Variants in RRM2 observed in about 807,000 individuals in gnomAD.
The protein encoded by RRM2 is ribonucleoside-diphosphate reductase subunit M2.
In RRM2, 6 loss-of-function variants were observed where a neutral mutation model predicts 45.9. The ratio of observed to expected loss-of-function variants is 0.13; its 90% CI spans 0.07 to 0.26. RRM2 has a LOEUF of 0.26. Ranked by LOEUF, RRM2 falls within the 10% of genes least tolerant of loss-of-function variation. The pLI, the probability that RRM2 is intolerant of heterozygous loss-of-function variation, is 1.00. For synonymous variants in RRM2, 177 were observed against 173.0 expected (o/e 1.02, Z -0.18); for missense variants, 343 against 489.5 (o/e 0.70, Z 2.82).
chr2:10,162,388 G>GC (rs1663580860), intron 3 of RRM2, among the ~76,000 whole-genome samples: 1 of 152,122 alleles, frequency 6.6e-6, no homozygotes, highest in Non-Finnish European at 1.5e-5. Flanking sequence ...ATGAGCGCTG[G>GC]CCCAGGAATC....
chr2:10,138,387 G>A (rs1194783526), upstream of RRM2, among the ~76,000 whole-genome samples: 3 of 152,042 alleles, frequency 2.0e-5, no homozygotes, highest in Non-Finnish European at 4.4e-5. Flanking sequence ...GGCTGGTCTC[G>A]AACTCCTGAC....
At chr2:10,147,233 G>A (rs943860770) in intron 3 of RRM2, among the ~76,000 whole-genome samples, 1 of 152,146 alleles carries the variant, frequency 6.6e-6, no homozygotes, top group Non-Finnish European at 1.5e-5. Flanking sequence ...TTACACGTGT[G>A]AGCCACTGGG....
chr2:10,201,835 A>G (rs1329305239), intron 3 of RRM2, among the ~76,000 whole-genome samples: 1 of 152,240 alleles, frequency 6.6e-6, no homozygotes, highest in African/African-American at 2.4e-5. Context: ...ATATAGCCCA[A>G]AGAAAGCCAA....
chr2:10,126,185 AAAAAAAAG>A (rs1662775921), intron 5 of RRM2, among the ~76,000 whole-genome samples: 1 of 39,974 alleles, frequency 2.5e-5, no homozygotes, highest in Non-Finnish European at 6.0e-5. Context: ...AAAAAAAAAA[AAAAAAAAG>A]CTGCCCAATG....
At position 10,205,601 on chromosome 2, in the gene RRM2, A is replaced by G. The variant is rs192300686; in HGVS notation, n.483-4710A>G. On this transcript the variant is annotated intron_variant and non_coding_transcript_variant, in intron 3 of 3. Transcript: ENST00000381786. This position sits in a 1 kb window ranked among gnomAD's most constrained non-coding sequence, Gnocchi z 4.8. ...ATACCTTCCGTTTCAAGGAATATGC[A>G]GTTTGGATGTCTGAAAAAGATTTAT... Among the ~76,000 whole-genome samples the G allele has an allele frequency of 7.2e-4, 110 of 152,330 alleles. 1 individual carries two copies. The highest frequency in any genetic ancestry group is 1.1e-3 in the Non-Finnish European group (78 of 68,026).
At chr2:10,210,194 A>G (rs1664732732) in intron 3 of RRM2, 1 of 535,340 alleles carries the variant, frequency 1.9e-6, no homozygotes, top group Admixed American at 2.9e-5. Flanking sequence ...TGTGGGCAGG[A>G]ACCAGCCCTT....
Position 10,195,827 on chromosome 2 carries a change from T to G in RRM2, n.483-14484T>G, listed in dbSNP as rs1664404011. On this transcript the variant is annotated intron_variant and non_coding_transcript_variant, in intron 3 of 3. Transcript: ENST00000381786. The surrounding 1 kb of genome is among the most constrained non-coding windows in gnomAD (Gnocchi z 4.9). ...TGACCTGGCCTGGCCGATGCTGTGTTAGGATAAACGTGCTAAGGAGGCTCT... is the reference window on the plus strand; with the variant it reads ...TGACCTGGCCTGGCCGATGCTGTGTGAGGATAAACGTGCTAAGGAGGCTCT... Among the ~76,000 whole-genome samples, 1 of 152,168 alleles carries G rather than the reference T, an allele frequency of 6.6e-6. No homozygotes were observed. The highest frequency in any genetic ancestry group is 2.1e-4 in the South Asian group (1 of 4,832).
intron 3 of RRM2, among the ~76,000 whole-genome samples, chr2:10,148,549 C>G (rs1240711434): frequency 1.3e-5 from 2 of 152,226 alleles, no homozygotes; most frequent in African/African-American, 4.8e-5. Flanking sequence ...AGTTAAATGC[C>G]ACTGTGGGAA....
intron 3 of RRM2, among the ~76,000 whole-genome samples, chr2:10,188,891 TC>T (rs1323093848): frequency 6.6e-6 from 1 of 152,116 alleles, no homozygotes; most frequent in Non-Finnish European, 1.5e-5. Flanking sequence ...AGTCATGAGT[TC>T]CCAGTCCTGG....
chr2:10,197,041 A>G (rs937545299), intron 3 of RRM2, among the ~76,000 whole-genome samples: 4 of 152,134 alleles, frequency 2.6e-5, no homozygotes, highest in African/African-American at 9.7e-5. Context: ...CACTCAGACA[A>G]GGCCCTACTC....
intron 5 of RRM2, 100 bp downstream of exon 5, chr2:10,124,950 A>T: frequency 8.7e-7 from 1 of 1,145,074 alleles, no homozygotes; most frequent in Non-Finnish European, 1.2e-6. Flanking sequence ...CTCCAGAATG[A>T]CTAAGACAGT....
Position 10,204,248 on chromosome 2 carries a change from G to T in RRM2, n.483-6063G>T, listed in dbSNP as rs898111501. 2.3e-4 allele frequency among the ~76,000 whole-genome samples: 35 copies of T among 152,132 alleles called. No homozygotes were observed. Among genetic ancestry groups the T allele is most frequent in the African/African-American group, 7.7e-4 (32 of 41,424 alleles). On this transcript the variant is annotated intron_variant and non_coding_transcript_variant, in intron 3 of 3. Transcript: ENST00000381786. The surrounding 1 kb of genome is among the most constrained non-coding windows in gnomAD (Gnocchi z 4.0). ...CTCCAGGGCAGACTGACCCGTGATGGGCATGGGAGCCCAGAAAAAGGCCCC... is the reference window on the plus strand; with the variant it reads ...CTCCAGGGCAGACTGACCCGTGATGTGCATGGGAGCCCAGAAAAAGGCCCC...
chr2:10,207,698 C>A (rs1490728003), intron 3 of RRM2, among the ~76,000 whole-genome samples: 1 of 152,156 alleles, frequency 6.6e-6, no homozygotes, highest in Non-Finnish European at 1.5e-5. Flanking sequence ...GGCACTTCCT[C>A]CAGGAAGCCT....
At chr2:10,208,435 G>A (rs961578272) in intron 3 of RRM2, among the ~76,000 whole-genome samples, 8 of 152,174 alleles carry the variant, frequency 5.3e-5, no homozygotes, top group Admixed American at 4.6e-4. Context: ...AATCATTAAG[G>A]CATCAAACAT....
chr2:10,181,747 T>TCC, intron 3 of RRM2, among the ~76,000 whole-genome samples: 1 of 106,668 alleles, frequency 9.4e-6, no homozygotes, highest in Non-Finnish European at 2.1e-5. Flanking sequence ...GCTCTCTCTC[T>TCC]CTCTCTCTTT....
intron 3 of RRM2, among the ~76,000 whole-genome samples, chr2:10,164,182 A>G (rs1162670680): frequency 6.6e-6 from 1 of 152,094 alleles, no homozygotes; most frequent in Admixed American, 6.6e-5. Flanking sequence ...TGTATTTCCC[A>G]AATTCTTTTT....
chr2:10,171,687 C>T lies in RRM2; in HGVS notation n.482+29312C>T, dbSNP rs1663810637. 6.6e-6 allele frequency among the ~76,000 whole-genome samples: 1 copy of T among 152,220 alleles called. No homozygotes were observed. Among genetic ancestry groups the T allele is most frequent in the African/African-American group, 2.4e-5 (1 of 41,458 alleles). On this transcript the variant is annotated intron_variant and non_coding_transcript_variant, in intron 3 of 3. Coordinates refer to the RRM2 transcript ENST00000381786. The surrounding 1 kb of genome is among the most constrained non-coding windows in gnomAD (Gnocchi z 4.1). ...ACGGATGCCACCCCAGGACCCCTGG[C>T]ATAGGGAGCCGAGCAGGGCAGCCGG...
intron 3 of RRM2, among the ~76,000 whole-genome samples, chr2:10,150,753 A>T (rs1235507250): frequency 1.4e-4 from 20 of 142,818 alleles, no homozygotes; most frequent in East Asian, 2.0e-4. Context: ...ATGTAAATAG[A>T]ATCCTACAGT....
downstream of RRM2, among the ~76,000 whole-genome samples, chr2:10,132,897 A>G (rs1278583969): frequency 6.7e-6 from 1 of 149,212 alleles, no homozygotes; most frequent in Admixed American, 6.7e-5. Flanking sequence ...TGCTCTATAG[A>G]ACATGTCTCC....
Sources: allele counts gnomAD v4.1 joint callset (sites outside exome capture counted in the v4.1 genomes callset), GRCh38; gene constraint gnomAD v4.1.1; non-coding constraint Gnocchi (gnomAD v3.1); transcripts MANE v1.5; gene names NCBI Gene and HGNC (gene_info 2026-07-23, HGNC 2026-07-21).